PTPN13: variants seen among roughly 807,000 people sequenced by gnomAD.
The protein encoded by PTPN13 is protein tyrosine phosphatase non-receptor type 13.
In PTPN13, 191 loss-of-function variants were observed where a neutral mutation model predicts 284.0. The observed-to-expected ratio is 0.67, with a 90% confidence interval of 0.60 to 0.76. The LOEUF is 0.76. PTPN13 is among the 30% of genes least tolerant of loss of function. PTPN13 has a pLI of 0.00. For missense variants in PTPN13, 2,797 were observed against 2,939.9 expected (o/e 0.95, Z 1.12); for synonymous variants, 986 against 1,022.3 (o/e 0.96, Z 0.68).
chr4:86,708,793 A>G (rs1732049222), intron 7 of PTPN13, among the ~76,000 whole-genome samples: 1 of 152,020 alleles, frequency 6.6e-6, no homozygotes, highest in Admixed American at 6.6e-5. Context: ...CCATTTACCA[A>G]TGTTCCATCA....
chr4:86,711,531 T>C (rs567299441), intron 7 of PTPN13, among the ~76,000 whole-genome samples: 228 of 152,324 alleles, frequency 1.5e-3, no homozygotes, highest in Middle Eastern at 3.4e-3. Context: ...TCTTTTCTTC[T>C]CATTAATATT....
intron 1 of PTPN13, among the ~76,000 whole-genome samples, chr4:86,614,861 T>C (rs1286925452): frequency 6.6e-6 from 1 of 152,138 alleles, no homozygotes; most frequent in Non-Finnish European, 1.5e-5. Flanking sequence ...AAAATTATAC[T>C]TGGTTTTTGA....
Position 86,603,810 on chromosome 4 carries a change from A to G in PTPN13, c.-6+9021A>G, listed in dbSNP as rs147559521. ...TTAGCATCACTCAGATGATGCTAAT[A>G]AAGTACCTCGACCTAGTGGATATTT... On this transcript the variant is annotated intron_variant, in intron 1 of 47. Transcript: ENST00000411767. 3.4e-3 allele frequency among the ~76,000 whole-genome samples: 514 copies of G among 152,240 alleles called. 1 individual carries two copies. Among genetic ancestry groups the G allele is most frequent in the African/African-American group, 0.012 (497 of 41,570 alleles).
chr4:86,666,045 G>A (rs1050723376), intron 2 of PTPN13, among the ~76,000 whole-genome samples: 2 of 152,026 alleles, frequency 1.3e-5, no homozygotes, highest in African/African-American at 4.8e-5. Flanking sequence ...TACCTATGAT[G>A]TAACAATGAT....
intron 47 of PTPN13, among the ~76,000 whole-genome samples, chr4:86,814,001 T>C (rs1444143349): frequency 2.2e-5 from 2 of 90,938 alleles, no homozygotes; most frequent in Admixed American, 2.0e-4. Context: ...ACCCTGCTTC[T>C]TTTTTTTTTT....
rs756985714 is a variant in PTPN13, at chr4:86,763,125, C to T, written c.3952C>T (p.Arg1318Cys). ...GISDVTDYSD[R>C]GDSDMDEATY... ...TTCTGATGTAACTGATTACTCAGAC[C>T]GTGGAGATTCAGACATGGATGAAGC... The change falls in exon 24 of 48, where the codon CGT becomes TGT. Residue 1318 changes from arginine to cysteine, a missense_variant. Transcript: ENST00000411767. 3.9e-5 allele frequency: 63 copies of T among 1,613,596 alleles called. No homozygotes were observed. Among genetic ancestry groups the T allele is most frequent in the East Asian group, 1.8e-4 (8 of 44,884 alleles).
At chr4:86,680,347 C>CTATCTCTA (rs1554306602) in intron 3 of PTPN13, among the ~76,000 whole-genome samples, 34 of 142,652 alleles carry the variant, frequency 2.4e-4, no homozygotes, top group Non-Finnish European at 2.4e-4. Flanking sequence ...TTCTATCTAT[C>CTATCTCTA]TCTATCTATC....
At chr4:86,799,264 G>T in intron 42 of PTPN13, 60 bp downstream of exon 42, 1 of 1,038,838 alleles carries the variant, frequency 9.6e-7, no homozygotes, top group Non-Finnish European at 1.4e-6. Context: ...ATGTTTTTAA[G>T]TGATTTTCAG....
At chr4:86,604,140 TAGAA>T (rs1258167773) in intron 1 of PTPN13, among the ~76,000 whole-genome samples, 1 of 152,042 alleles carries the variant, frequency 6.6e-6, no homozygotes, top group Non-Finnish European at 1.5e-5. Flanking sequence ...CACAGTATAA[TAGAA>T]AGAGCAAACA....
chr4:86,732,454 G>A lies in PTPN13; in HGVS notation c.1663G>A (p.Asp555Asn). The A allele has an allele frequency of 6.2e-7, 1 of 1,601,318 alleles. No homozygotes were observed. Among genetic ancestry groups the A allele is most frequent in the Non-Finnish European group, 8.5e-7 (1 of 1,172,862 alleles). The change falls in exon 11 of 48, where the codon GAT becomes AAT. Residue 555 changes from aspartate to asparagine, a missense_variant. Asp to Asn is a conservative substitution (Grantham distance 23). Transcript: ENST00000411767. ...KMTIEPFISL[D>N]LPRSILTKKG... is the part of the protein sequence containing the mutation. Reference sequence around the variant, plus strand: ...GACAATTGAACCATTTATATCTTTGGATTTGCCACGGTCTATTCTTGTAAG... The same window carrying A: ...GACAATTGAACCATTTATATCTTTGAATTTGCCACGGTCTATTCTTGTAAG...
intron 1 of PTPN13, among the ~76,000 whole-genome samples, chr4:86,607,519 C>A (rs1764890077): frequency 6.6e-6 from 1 of 151,882 alleles, no homozygotes; most frequent in Non-Finnish European, 1.5e-5. Flanking sequence ...TGCTGTTATT[C>A]TTATTTTACA....
intron 15 of PTPN13, among the ~76,000 whole-genome samples, chr4:86,740,801 G>A (rs1469635831): frequency 6.6e-6 from 1 of 151,886 alleles, no homozygotes; most frequent in African/African-American, 2.4e-5. Flanking sequence ...GTCACATATT[G>A]AATGCTTTGC....
chr4:86,639,155 A>G (rs1257938679), intron 2 of PTPN13, among the ~76,000 whole-genome samples: 5 of 151,824 alleles, frequency 3.3e-5, no homozygotes, highest in Admixed American at 3.3e-4. Flanking sequence ...TAGAATGGCA[A>G]TCATTAAAAA....
intron 1 of PTPN13, among the ~76,000 whole-genome samples, chr4:86,623,964 A>G (rs900651838): frequency 9.9e-5 from 15 of 152,170 alleles, no homozygotes; most frequent in African/African-American, 3.6e-4. Context: ...ATTTTTGTCT[A>G]GTTTATTCAC....
chr4:86,793,653 T>C (rs1008031472), intron 40 of PTPN13, among the ~76,000 whole-genome samples: 1 of 152,168 alleles, frequency 6.6e-6, no homozygotes, highest in Admixed American at 6.5e-5. Flanking sequence ...TAACAAACTG[T>C]CTCTCAGACC....
rs1444637825 is a variant in PTPN13 at position 86,635,330 on chromosome 4, TAAATC to T, written c.78_82del (p.Asn26LysfsTer3). On this transcript the variant is annotated frameshift_variant, in exon 2 of 48. Transcript: ENST00000411767. LOFTEE classifies it high-confidence loss of function. ...CAGGAGGAAGAAATATGGGCTGTAT[TAAATC>T]AAAGTGCTGAAAGTCTCCAAGAATT... 6.2e-7 allele frequency: 1 copy of T among 1,606,198 alleles called. No individual in the cohort carries two copies. Among genetic ancestry groups the T allele is most frequent in the Admixed American group, 1.7e-5 (1 of 58,940 alleles).
chr4:86,674,303 T>G (rs1050206263), intron 3 of PTPN13, among the ~76,000 whole-genome samples: 2 of 152,226 alleles, frequency 1.3e-5, no homozygotes, highest in Non-Finnish European at 2.9e-5. Context: ...CCATATGTCA[T>G]TCCACATAAG....
At chr4:86,711,035 C>CG (rs1732346171) in intron 7 of PTPN13, among the ~76,000 whole-genome samples, 1 of 150,608 alleles carries the variant, frequency 6.6e-6, no homozygotes, top group Admixed American at 6.6e-5. Flanking sequence ...GCAATTCTCT[C>CG]GCCTCAGCCT....
intron 42 of PTPN13, 79 bp downstream of exon 42, chr4:86,799,283 G>GT: frequency 1.2e-6 from 1 of 856,252 alleles, no homozygotes; most frequent in Non-Finnish European, 1.8e-6. Context: ...AGACTATATG[G>GT]ATATGCTGTT....
Sources: allele counts gnomAD v4.1 joint callset (sites outside exome capture counted in the v4.1 genomes callset), GRCh38; gene constraint gnomAD v4.1.1; transcripts MANE v1.5; gene names NCBI Gene and HGNC (gene_info 2026-07-23, HGNC 2026-07-21).